Variants in ADD2 observed in about 807,000 individuals in gnomAD.
The protein encoded by ADD2 is beta-adducin.
Under a neutral mutation model 83.0 loss-of-function variants are expected in ADD2, and 23 were observed. The ratio of observed to expected loss-of-function variants is 0.28; its 90% CI spans 0.20 to 0.39. The LOEUF (loss-of-function observed/expected upper bound fraction) is 0.39. Among genes scored for constraint, ADD2 ranks in the 10% least tolerant of loss-of-function variants. The pLI is 1.00. For missense variants in ADD2, 758 were observed against 944.9 expected (o/e 0.80, Z 2.59); for synonymous variants, 375 against 375.4 (o/e 1.00, Z 0.01).
chr2:70,669,821 G>C (rs1197007619), intron 15 of ADD2, among the ~76,000 whole-genome samples: 4 of 152,174 alleles, frequency 2.6e-5, no homozygotes, highest in Admixed American at 2.6e-4. Context: ...CATGTAGAGA[G>C]GCCGCATGGG....
intron 1 of ADD2, among the ~76,000 whole-genome samples, chr2:70,732,884 C>A (rs531984340): frequency 1.3e-5 from 2 of 152,120 alleles, no homozygotes; most frequent in Admixed American, 1.3e-4. Context: ...CCCAGTGTTG[C>A]GAACTTCACA....
chr2:70,690,938 G>A lies in ADD2; in HGVS notation c.706-9C>T, dbSNP rs373814030. 2.1e-5 allele frequency: 33 copies of A among 1,608,482 alleles called. No individual in the cohort carries two copies. The African/African-American group carries it at 3.7e-4, about 18-fold the overall frequency. On this transcript the variant is annotated splice_polypyrimidine_tract_variant and intron_variant, in intron 7 of 15. Coordinates refer to ENST00000264436, the MANE Select transcript of ADD2 (RefSeq NM_001617.4). ...CACTTCATGGCCGACACCTTAGAGA[G>A]ACAATGGCATGGTTAGCACCTGCAG...
intron 1 of ADD2, among the ~76,000 whole-genome samples, chr2:70,714,981 A>G (rs1377887066): frequency 6.6e-6 from 1 of 152,032 alleles, no homozygotes; most frequent in Admixed American, 6.6e-5. Context: ...AATAATTCCC[A>G]CCCCAACCCC....
chr2:70,657,402 G>A lies in ADD2; in HGVS notation c.*6023C>T, dbSNP rs1675397620. On this transcript the variant is annotated 3_prime_UTR_variant, in exon 16 of 16. Coordinates refer to ENST00000264436, the MANE Select transcript of ADD2 (RefSeq NM_001617.4). ...GGCGATCTCAGGCTCTGGACCGTATGTTCTCCCCCACCTGGCCTCTTCCCG... is the reference window on the plus strand; with the variant it reads ...GGCGATCTCAGGCTCTGGACCGTATATTCTCCCCCACCTGGCCTCTTCCCG... The A allele has an allele frequency of 6.6e-6, 1 of 152,172 alleles. No homozygotes were observed. Among genetic ancestry groups the A allele is most frequent in the Admixed American group, 6.6e-5 (1 of 15,264 alleles). 9.4% of individuals were successfully genotyped at this position (152,172 alleles called of 1,614,324 possible).
intron 2 of ADD2, among the ~76,000 whole-genome samples, chr2:70,712,096 C>T (rs371443856): frequency 2.0e-5 from 3 of 152,084 alleles, no homozygotes; most frequent in African/African-American, 4.8e-5. Flanking sequence ...GATGTATTTT[C>T]GCCCCCAGGA....
Position 70,674,805 on chromosome 2 carries a change from C to T in ADD2, c.1614G>A (p.Met538Ile). Residue 538 changes from methionine to isoleucine, a missense_variant, in exon 14 of 16, where the codon ATG becomes ATA. Around this residue, in one of 5 missense-constraint regions of ADD2, gnomAD observed 394 missense variants for 509.3 expected, o/e 0.77. Coordinates refer to ENST00000264436, the MANE Select transcript of ADD2 (RefSeq NM_001617.4). Reference sequence around the variant, plus strand: ...CTTTGGTATCCTCGTCTCCCTTGGACATCAGCTGGCTCTCTGTAGACTGAA... The same window carrying T: ...CTTTGGTATCCTCGTCTCCCTTGGATATCAGCTGGCTCTCTGTAGACTGAA... ...SRSPSTESQL[M>I]SKGDEDTKDD... The T allele has an allele frequency of 6.2e-7, 1 of 1,614,036 alleles. No individual in the cohort carries two copies. Among genetic ancestry groups the T allele is most frequent in the Non-Finnish European group, 8.5e-7 (1 of 1,179,964 alleles).
At chr2:70,692,224 T>C (rs1553371787) in intron 7 of ADD2, among the ~76,000 whole-genome samples, 179 bp downstream of exon 7, 2 of 152,214 alleles carry the variant, frequency 1.3e-5, no homozygotes, top group African/African-American at 4.8e-5. Context: ...TGTCTTCACG[T>C]TATGCTATGA....
chr2:70,692,550 G>C lies in ADD2; in HGVS notation c.558C>G (p.Ile186Met). Residue 186 changes from isoleucine to methionine, a missense_variant and splice_region_variant, in exon 7 of 16, where the codon ATC (isoleucine) becomes ATG (methionine). Transcript: ENST00000264436. ...CCACCTCTCCCAGAATGTTCACCTT[G>C]ATCTGCGCCAGGGAAGAAGAGAGAC... Reference protein sequence around the residue: ...SCSEVTASSLIKVNILGEVVE... With the variant: ...SCSEVTASSLMKVNILGEVVE... 1 of 1,600,872 alleles carries C rather than the reference G, an allele frequency of 6.2e-7. No homozygotes were observed. The highest frequency in any genetic ancestry group is 8.5e-7 in the Non-Finnish European group (1 of 1,174,268).
At chr2:70,764,308 A>T (rs1675269916) in intron 1 of ADD2, among the ~76,000 whole-genome samples, 1 of 152,006 alleles carries the variant, frequency 6.6e-6, no homozygotes, top group Non-Finnish European at 1.5e-5. Context: ...TGTTTTTACT[A>T]CATCTGCTGC....
At chr2:70,712,807 G>C (rs946709633) in intron 2 of ADD2, among the ~76,000 whole-genome samples, 1 of 152,204 alleles carries the variant, frequency 6.6e-6, no homozygotes, top group African/African-American at 2.4e-5. Context: ...TCCCTGCTGG[G>C]AGTCAGAGTG....
At chr2:70,737,050 G>C (rs549158048) in intron 1 of ADD2, among the ~76,000 whole-genome samples, 47 of 152,168 alleles carry the variant, frequency 3.1e-4, no homozygotes, top group Admixed American at 1.0e-3. Flanking sequence ...AGTTAGAATG[G>C]CGATCATTAA....
chr2:70,676,981 T>TGTGGGAG lies in ADD2; in HGVS notation c.1504-97_1504-96insCTCCCAC. On this transcript the variant is annotated intron_variant, in intron 12 of 15. Transcript: ENST00000264436. The surrounding 1 kb of genome is among the most constrained non-coding windows in gnomAD (Gnocchi z 4.8). ...CGGGTGTGCCTGGGGTCTAGAAAGGTCCTCTAGCGGTGTGGGAGCCCGTCA... is the reference window on the plus strand; with the variant it reads ...CGGGTGTGCCTGGGGTCTAGAAAGGTGTGGGAGCCTCTAGCGGTGTGGGAGCCCGTCA... The TGTGGGAG allele has an allele frequency of 6.6e-7, 1 of 1,523,614 alleles. No homozygotes were observed. The highest frequency in any genetic ancestry group is 8.8e-7 in the Non-Finnish European group (1 of 1,131,846). The allele number at this position is 1,523,614 out of a possible 1,614,324, so 94.4% of individuals were successfully genotyped here.
At chr2:70,723,518 C>T (rs1369111733) in intron 1 of ADD2, among the ~76,000 whole-genome samples, 1 of 152,026 alleles carries the variant, frequency 6.6e-6, no homozygotes, top group Non-Finnish European at 1.5e-5. Flanking sequence ...TAAAATCAGG[C>T]AGGTTATGTC....
intron 14 of ADD2, 71 bp from the exon 15 acceptor site, chr2:70,673,077 T>C (rs2104204261): frequency 1.3e-6 from 2 of 1,569,268 alleles, no homozygotes; most frequent in Non-Finnish European, 1.7e-6. Context: ...ATAAAGCCTT[T>C]TAAAAATTAC....
At chr2:70,697,273 AG>A (rs1366313046) in intron 4 of ADD2, among the ~76,000 whole-genome samples, 1 of 152,256 alleles carries the variant, frequency 6.6e-6, no homozygotes, top group Non-Finnish European at 1.5e-5. Flanking sequence ...GGCCTCAGGC[AG>A]GGTACCTAGG....
intron 15 of ADD2, among the ~76,000 whole-genome samples, chr2:70,668,138 G>A (rs1669733689): frequency 6.6e-6 from 1 of 152,138 alleles, no homozygotes; most frequent in Non-Finnish European, 1.5e-5. Flanking sequence ...TACACCAGTG[G>A]CTTTCCTGTT....
intron 4 of ADD2, among the ~76,000 whole-genome samples, chr2:70,700,202 T>C (rs4852701): frequency 0.38 from 57,237 of 151,922 alleles, 12,453 homozygotes; most frequent in African/African-American, 0.61. Flanking sequence ...TATTATTAGG[T>C]CACAGAGAAT....
intron 14 of ADD2, among the ~76,000 whole-genome samples, chr2:70,674,215 C>T (rs1377997464): frequency 6.6e-6 from 1 of 152,142 alleles, no homozygotes; most frequent in East Asian, 1.9e-4. Context: ...ATACAAGCTA[C>T]TGTGAGTGAA....
intron 1 of ADD2, among the ~76,000 whole-genome samples, chr2:70,734,071 G>A (rs781986528): frequency 4.6e-5 from 7 of 152,074 alleles, no homozygotes; most frequent in Non-Finnish European, 5.9e-5. Flanking sequence ...CCCTCTCCCC[G>A]GGGACACTGA....
Sources: allele counts gnomAD v4.1 joint callset (sites outside exome capture counted in the v4.1 genomes callset), GRCh38; gene constraint gnomAD v4.1.1; regional missense constraint gnomAD v4.1.1; non-coding constraint Gnocchi (gnomAD v3.1); transcripts MANE v1.5; gene names NCBI Gene and HGNC (gene_info 2026-07-23, HGNC 2026-07-21).